The following FZR1 variants were observed in gnomAD, a reference collection of about 807,000 sequenced individuals.
FZR1 encodes fizzy and cell division cycle 20 related 1, also known as fizzy-related protein homolog.
A neutral mutation model predicts 63.6 loss-of-function variants in FZR1; 11 were observed. The ratio of observed to expected loss-of-function variants is 0.17; its 90% confidence interval spans 0.11 to 0.29. FZR1 has a LOEUF of 0.29. FZR1 is among the 10% of genes least tolerant of loss of function. The probability of loss-of-function intolerance (pLI) is 1.00; values close to 1 mark genes in which losing one functional copy is unlikely to be tolerated. For synonymous variants in FZR1, 328 were observed against 297.9 expected, an observed-to-expected ratio of 1.10 and a Z score of -1.04; for missense variants, 440 against 687.5, an observed-to-expected ratio of 0.64 and a Z score of 4.03.
At chr19:3,523,156 C>A in intron 2 of FZR1, 98 bp downstream of exon 2, 1 of 811,302 alleles carries the variant, frequency 1.2e-6, no homozygotes, top group Non-Finnish European at 2.2e-6. Context: ...CACTAAAGCC[C>A]CACGGACCAC....
At chr19:3,523,511 G>C (rs894293582) in intron 2 of FZR1, among the ~76,000 whole-genome samples, 1 of 152,212 alleles carries the variant, frequency 6.6e-6, no homozygotes, top group African/African-American at 2.4e-5. Flanking sequence ...ACAGGGTCTC[G>C]GGGCTGGTGG....
chr19:3,534,221 T>G, intron 12 of FZR1, 200 bp from the exon 13 acceptor site: 1 of 459,066 alleles, frequency 2.2e-6, no homozygotes, highest in Non-Finnish European at 3.7e-6. Context: ...GACCCCGTCT[T>G]AAAATTAAAA....
intron 1 of FZR1, among the ~76,000 whole-genome samples, chr19:3,513,792 C>A (rs966649643): frequency 2.0e-5 from 3 of 152,108 alleles, no homozygotes; most frequent in Non-Finnish European, 4.4e-5. Context: ...GCTGGAGTTA[C>A]CCTTACCCAA....
chr19:3,521,743 A>C (rs892555836), intron 1 of FZR1, among the ~76,000 whole-genome samples: 1 of 151,234 alleles, frequency 6.6e-6, no homozygotes, highest in Non-Finnish European at 1.5e-5. Flanking sequence ...CTCGTGATCC[A>C]CCCGCCTCGG....
At chr19:3,529,352 A>C (rs1425649943) in intron 7 of FZR1, among the ~76,000 whole-genome samples, 11 of 129,218 alleles carry the variant, frequency 8.5e-5, no homozygotes, top group Non-Finnish European at 1.6e-4. Context: ...GAGGGAGTGG[A>C]TGGGAGAGCG....
intron 12 of FZR1, 118 bp from the exon 13 acceptor site, chr19:3,534,303 T>A: frequency 2.0e-5 from 10 of 503,578 alleles, no homozygotes; most frequent in Non-Finnish European, 3.2e-5. Flanking sequence ...CCCTCCTGGC[T>A]CCAGAGTCTG....
intron 1 of FZR1, among the ~76,000 whole-genome samples, chr19:3,517,924 G>A (rs1263538543): frequency 1.3e-5 from 2 of 149,466 alleles, no homozygotes; most frequent in Admixed American, 1.3e-4. Flanking sequence ...GCAGTGGTGC[G>A]ATCTCAGCTC....
chr19:3,536,874 AT>A lies in FZR1; in HGVS notation c.*2041del. 1 of 152,232 alleles carries A rather than the reference AT, an allele frequency of 6.6e-6. No homozygotes were observed. The highest frequency in any genetic ancestry group is 1.9e-4 in the East Asian group (1 of 5,186). The allele number at this position is 152,232 out of a possible 1,614,324, so 9.4% of individuals were successfully genotyped here. The stretch of plus-strand genomic sequence containing the variant: ...CTTCTGAGGGGCTTCCCAGGCCTGC[AT>A]TTCACAGATGGGGAGCTCAGCCCTC... On this transcript the variant is annotated 3_prime_UTR_variant, in exon 14 of 14. Transcript: ENST00000441788.
At chr19:3,511,852 G>A (rs1162926354) in intron 1 of FZR1, among the ~76,000 whole-genome samples, 1 of 152,158 alleles carries the variant, frequency 6.6e-6, no homozygotes, top group African/African-American at 2.4e-5. Context: ...GGCTACTCTT[G>A]GCTGTGTCTT....
intron 7 of FZR1, 138 bp downstream of exon 7, chr19:3,527,952 C>T: frequency 1.7e-6 from 1 of 589,442 alleles, no homozygotes; most frequent in Non-Finnish European, 2.8e-6. Flanking sequence ...GCCTCCCAGC[C>T]TCCCAGCCAC....
chr19:3,528,769 G>A (rs1293830913), intron 7 of FZR1, among the ~76,000 whole-genome samples: 3 of 127,254 alleles, frequency 2.4e-5, no homozygotes, highest in East Asian at 2.0e-4. Context: ...GTGGATGGGT[G>A]CGTGGATGGG....
intron 11 of FZR1, among the ~76,000 whole-genome samples, 176 bp downstream of exon 11, chr19:3,532,826 T>A (rs1370975259): frequency 6.6e-6 from 1 of 152,026 alleles, no homozygotes; most frequent in Non-Finnish European, 1.5e-5. Flanking sequence ...CCCCTGGGCC[T>A]CATCAGGGCC....
rs529931456 is a variant in FZR1 at position 3,530,780 on chromosome 19, C to G, written c.655-12C>G. 4.3e-6 allele frequency: 7 copies of G among 1,610,628 alleles called. No homozygotes were observed. In the South Asian group the frequency reaches 7.7e-5, roughly 18 times the overall value. ...GACCAGCGGCAAAGCTCACACTGAC[C>G]TCTGCCTCCAGGTGACGCGGCTCTG... On this transcript the variant is annotated splice_polypyrimidine_tract_variant and intron_variant, in intron 7 of 13. Coordinates refer to ENST00000441788, the MANE Select transcript of FZR1 (RefSeq NM_016263.4).
rs930753428 is a variant in FZR1, at chr19:3,538,114, G to C, written c.*3278G>C. The stretch of plus-strand genomic sequence containing the variant: ...TACGCCGAGGGAGTGGAGCTCCTGG[G>C]TGCGTGTCCAGATGGGAAAGGCAGG... On this transcript the variant is annotated 3_prime_UTR_variant, in exon 14 of 14. Transcript: ENST00000441788. The C allele has an allele frequency of 6.4e-6, 1 of 155,212 alleles. No individual in the cohort carries two copies. The highest frequency in any genetic ancestry group is 2.4e-5 in the African/African-American group (1 of 41,428). 9.6% of individuals were successfully genotyped at this position (155,212 alleles called of 1,614,324 possible).
chr19:3,529,873 TGAGCGGGTGGGA>T (rs2083220245), intron 7 of FZR1, among the ~76,000 whole-genome samples: 1 of 22,480 alleles, frequency 4.4e-5, no homozygotes, highest in Non-Finnish European at 7.9e-5. Context: ...AGCGGGTGGG[TGAGCGGGTGGGA>T]GAGCGGATGG....
intron 1 of FZR1, among the ~76,000 whole-genome samples, chr19:3,517,048 C>T (rs142996763): frequency 5.9e-5 from 9 of 152,372 alleles, no homozygotes; most frequent in East Asian, 1.9e-4. Context: ...TCAGTGCACG[C>T]GGTTACCACC....
At chr19:3,520,697 C>G (rs753692108) in intron 1 of FZR1, among the ~76,000 whole-genome samples, 1 of 152,266 alleles carries the variant, frequency 6.6e-6, no homozygotes, top group Non-Finnish European at 1.5e-5. Flanking sequence ...GCAGAAGAAA[C>G]AGCCCTGCGG....
In FZR1 at chr19:3,520,218, A is replaced by T. The variant is rs1341662939; in HGVS notation, c.-34-2738A>T. Among the ~76,000 whole-genome samples the T allele has an allele frequency of 3.9e-5, 6 of 152,078 alleles. No homozygotes were observed. The East Asian group carries it at 1.2e-3, about 29-fold the overall frequency. The stretch of plus-strand genomic sequence containing the variant: ...ACACATGGGCCTTTGGGGCTGCGGG[A>T]GGCAGCTGTGCCCTGTGGAGAACCG... On this transcript the variant is annotated intron_variant, in intron 1 of 13. Transcript: ENST00000441788.
At position 3,514,806 on chromosome 19, in the gene FZR1, C is replaced by A. The variant is rs138193892; in HGVS notation, c.-34-8150C>A. Among the ~76,000 whole-genome samples the A allele has an allele frequency of 5.1e-3, 775 of 152,312 alleles. 11 individuals carry two copies. Among genetic ancestry groups the A allele is most frequent in the African/African-American group, 0.018 (744 of 41,560 alleles). On this transcript the variant is annotated intron_variant, in intron 1 of 13. Transcript: ENST00000441788. The surrounding 1 kb of genome is among the most constrained non-coding windows in gnomAD (Gnocchi z 4.2). ...TTATCCCAGGGCGTCTCCCTCTGTA[C>A]GGGGGCCCTGTCACTGTTTTGTCAG... is the stretch of plus-strand genomic sequence containing the variant.
Sources: allele counts gnomAD v4.1 joint callset (sites outside exome capture counted in the v4.1 genomes callset), GRCh38; gene constraint gnomAD v4.1.1; non-coding constraint Gnocchi (gnomAD v3.1); transcripts MANE v1.5; gene names NCBI Gene and HGNC (gene_info 2026-07-23, HGNC 2026-07-21).